The following BCL2 variants were observed in gnomAD, a reference collection of about 807,000 sequenced individuals.
BCL2 encodes BCL2 apoptosis regulator.
BCL2 carries 1 observed loss-of-function variant against 14.2 expected under a neutral mutation model. That is an observed-to-expected ratio of 0.07 (90% CI 0.02 to 0.33). BCL2 has a LOEUF of 0.33. Ranked by LOEUF, BCL2 falls within the 10% of genes least tolerant of loss-of-function variation. BCL2 has a pLI of 0.99. For missense variants in BCL2, 247 were observed against 305.9 expected (o/e 0.81, Z 1.44); for synonymous variants, 151 against 137.2 (o/e 1.10, Z -0.70).
intron 2 of BCL2, among the ~76,000 whole-genome samples, chr18:63,131,946 T>C: frequency 6.6e-6 from 1 of 152,356 alleles, no homozygotes; most frequent in Non-Finnish European, 1.5e-5. Context: ...AGAGCTGGAA[T>C]AATTCCCTCT....
At position 63,212,035 on chromosome 18, in the gene BCL2, T is replaced by C. The variant is rs546374702; in HGVS notation, c.586-83276A>G. ...GCCCCTAACCATGTGGCCCTAAAAA[T>C]ACTCCATTTAGGTCAGGTGTGGTGG... On this transcript the variant is annotated intron_variant, in intron 2 of 2. Transcript: ENST00000333681. 3.9e-5 allele frequency among the ~76,000 whole-genome samples: 6 copies of C among 152,290 alleles called. No homozygotes were observed. In the South Asian group the frequency reaches 1.2e-3, roughly 32 times the overall value.
chr18:63,295,300 T>C (rs1353167264), intron 2 of BCL2, among the ~76,000 whole-genome samples: 1 of 152,170 alleles, frequency 6.6e-6, no homozygotes, highest in Non-Finnish European at 1.5e-5. Flanking sequence ...TATGTATGTA[T>C]TGGCTATAGT....
At position 63,134,915 on chromosome 18, in the gene BCL2, G is replaced by A. The variant is rs1003000227; in HGVS notation, c.586-6156C>T. The stretch of plus-strand genomic sequence containing the variant: ...ATTTTGTCTCCATGGGGACCTCTGG[G>A]GATCTCTTCTCTCATGACAACTTTA... On this transcript the variant is annotated intron_variant, in intron 2 of 2. Transcript: ENST00000333681. Among the ~76,000 whole-genome samples, 8 of 152,258 alleles carry A rather than the reference G, an allele frequency of 5.3e-5. No individual in the cohort carries two copies. In the East Asian group the frequency reaches 9.6e-4, roughly 18 times the overall value.
intron 2 of BCL2, among the ~76,000 whole-genome samples, chr18:63,260,435 T>C (rs1911621350): frequency 1.3e-5 from 2 of 152,210 alleles, no homozygotes; most frequent in African/African-American, 4.8e-5. Context: ...TCAAAAAAGA[T>C]CTTAGCAGTT....
At chr18:63,201,983 T>A (rs1909708769) in intron 2 of BCL2, among the ~76,000 whole-genome samples, 1 of 152,050 alleles carries the variant, frequency 6.6e-6, no homozygotes, top group Admixed American at 6.5e-5. Context: ...ATAATAATAA[T>A]AATAAATTCT....
chr18:63,257,201 C>T (rs902165993), intron 2 of BCL2, among the ~76,000 whole-genome samples: 1 of 152,144 alleles, frequency 6.6e-6, no homozygotes, highest in Non-Finnish European at 1.5e-5. Context: ...GCTAGCACTA[C>T]CTTAGAATGG....
intron 2 of BCL2, among the ~76,000 whole-genome samples, chr18:63,166,722 G>A (rs779674508): frequency 2.0e-5 from 3 of 152,252 alleles, no homozygotes; most frequent in Non-Finnish European, 2.9e-5. Context: ...GCTTACCGAC[G>A]GGATATGAGG....
chr18:63,128,088 AG>A lies in BCL2; in HGVS notation c.*536del, dbSNP rs925765186. 5 of 226,376 alleles carry A rather than the reference AG, an allele frequency of 2.2e-5. No individual in the cohort carries two copies. The highest frequency in any genetic ancestry group is 4.4e-5 in the Non-Finnish European group (5 of 113,536). 14.0% of individuals were successfully genotyped at this position (226,376 alleles called of 1,614,324 possible). On this transcript the variant is annotated 3_prime_UTR_variant, in exon 3 of 3. Transcript: ENST00000333681. ...CAGGGAGGCATGGACTTCCCCCCAC[AG>A]GAACCCTCCCTCTGTTAATATCACA...
chr18:63,174,708 T>C (rs1483097682), intron 2 of BCL2, among the ~76,000 whole-genome samples: 2 of 151,100 alleles, frequency 1.3e-5, no homozygotes, highest in African/African-American at 2.4e-5. Context: ...TAATCCCAGC[T>C]ACTCGGGGGG....
intron 2 of BCL2, among the ~76,000 whole-genome samples, chr18:63,247,022 T>C (rs1196899647): frequency 6.6e-6 from 1 of 152,196 alleles, no homozygotes; most frequent in East Asian, 1.9e-4. Context: ...TCTTCAACAC[T>C]AGCAGCTGAG....
chr18:63,319,110 TA>T, intron 1 of BCL2, 63 bp downstream of exon 1: 1 of 1,009,922 alleles, frequency 9.9e-7, no homozygotes, highest in Non-Finnish European at 1.2e-6. Flanking sequence ...GCACTTTAAG[TA>T]AAAAATCTCA....
chr18:63,135,653 C>T (rs1466250822), intron 2 of BCL2, among the ~76,000 whole-genome samples: 1 of 152,166 alleles, frequency 6.6e-6, no homozygotes, highest in African/African-American at 2.4e-5. Flanking sequence ...CACACTTCAC[C>T]CTGATTCCAC....
intron 2 of BCL2, among the ~76,000 whole-genome samples, chr18:63,213,107 G>A (rs531634201): frequency 6.6e-6 from 1 of 152,288 alleles, no homozygotes; most frequent in East Asian, 1.9e-4. Context: ...GATTCCTGCT[G>A]GTTCTCTGTG....
chr18:63,227,974 A>T (rs548345804), intron 2 of BCL2, among the ~76,000 whole-genome samples: 8 of 152,380 alleles, frequency 5.3e-5, no homozygotes, highest in African/African-American at 1.9e-4. Flanking sequence ...GAGGCTGGTA[A>T]GTCCAAAATC....
intron 2 of BCL2, among the ~76,000 whole-genome samples, chr18:63,234,358 G>A (rs561250486): frequency 3.9e-5 from 6 of 152,260 alleles, no homozygotes; most frequent in Non-Finnish European, 7.4e-5. Context: ...TTCTGTTCCC[G>A]TGTTAGTTTG....
intron 2 of BCL2, among the ~76,000 whole-genome samples, chr18:63,183,230 G>A (rs1768394116): frequency 6.6e-6 from 1 of 152,202 alleles, no homozygotes; most frequent in African/African-American, 2.4e-5. Context: ...GAGAGGGCAG[G>A]AAATGACCCC....
intron 2 of BCL2, among the ~76,000 whole-genome samples, chr18:63,286,504 G>C (rs1202342879): frequency 1.3e-5 from 2 of 152,268 alleles, no homozygotes; most frequent in African/African-American, 4.8e-5. Flanking sequence ...CAGGAGTAGG[G>C]GCGAGGATTG....
intron 2 of BCL2, among the ~76,000 whole-genome samples, chr18:63,238,369 C>T (rs183948326): frequency 6.6e-5 from 10 of 152,222 alleles, no homozygotes; most frequent in Non-Finnish European, 1.3e-4. Context: ...AAGACTCCAG[C>T]GAAAACAGAA....
At chr18:63,137,722 G>C (rs1165926681) in intron 2 of BCL2, among the ~76,000 whole-genome samples, 1 of 152,194 alleles carries the variant, frequency 6.6e-6, no homozygotes, top group Non-Finnish European at 1.5e-5. Flanking sequence ...AAGAAAGGGA[G>C]TAGCATTTTC....
Sources: gnomAD v4.1 joint callset for allele counts (sites outside exome capture counted in the v4.1 genomes callset) on GRCh38, gnomAD v4.1.1 for gene constraint, MANE v1.5 for transcripts, NCBI Gene and HGNC (gene_info 2026-07-23, HGNC 2026-07-21) for gene names.